FAM120B: variants seen among roughly 807,000 people sequenced by gnomAD.
The protein encoded by FAM120B is family with sequence similarity 120 member B.
FAM120B carries 83 observed loss-of-function variants against 96.3 expected under a neutral mutation model. The ratio of observed to expected loss-of-function variants is 0.86; its 90% CI spans 0.72 to 1.03. FAM120B has a LOEUF of 1.03. FAM120B is among the 50% of genes least tolerant of loss of function. The probability of loss-of-function intolerance (pLI) is 0.00; values close to 1 mark genes in which losing one functional copy is unlikely to be tolerated. For missense variants in FAM120B, 1,027 were observed against 1,121.2 expected (o/e 0.92, Z 1.20); for synonymous variants, 407 against 402.7 (o/e 1.01, Z -0.13).
intron 6 of FAM120B, among the ~76,000 whole-genome samples, chr6:170,364,930 C>A (rs148027671): frequency 6.6e-6 from 1 of 152,268 alleles, no homozygotes; most frequent in East Asian, 1.9e-4. Context: ...CGTACATGTT[C>A]ATATAGATGA....
intron 1 of FAM120B, among the ~76,000 whole-genome samples, chr6:170,316,393 C>A (rs1360399484): frequency 1.3e-5 from 2 of 152,136 alleles, no homozygotes; most frequent in Non-Finnish European, 2.9e-5. Context: ...ATAAAGCCTG[C>A]ATGACTCTTA....
At chr6:170,379,666 A>G (rs1010826160) in intron 6 of FAM120B, among the ~76,000 whole-genome samples, 2 of 152,168 alleles carry the variant, frequency 1.3e-5, no homozygotes, top group Admixed American at 6.5e-5. Flanking sequence ...TTTGATTTTT[A>G]TATTATTTTG....
chr6:170,297,324 G>C (rs1184140685), intron 1 of FAM120B, among the ~76,000 whole-genome samples: 1 of 152,208 alleles, frequency 6.6e-6, no homozygotes, highest in Admixed American at 6.5e-5. Context: ...CGCCGCCCCC[G>C]CCTCCCTTTC....
In FAM120B at chr6:170,318,180, A is replaced by G. The variant is rs1400531363; in HGVS notation, c.790A>G (p.Ile264Val). ...KENFDKKGNI[I>V]LAVSDHISKV... ...GAACTTTGACAAAAAAGGTAACATC[A>G]TATTAGCTGTGTCAGACCATATATC... Residue 264 changes from isoleucine to valine, a missense_variant, in exon 2 of 11, where the codon ATA (isoleucine) becomes GTA (valine). Physicochemically the swap from Ile to Val is conservative, Grantham distance 29. Around this residue, in one of 3 missense-constraint regions of FAM120B, gnomAD observed 880 missense variants for 980.9 expected, o/e 0.90. Coordinates refer to ENST00000476287, the MANE Select transcript of FAM120B (RefSeq NM_032448.3). 6.2e-7 allele frequency: 1 copy of G among 1,614,214 alleles called. No individual in the cohort carries two copies. The highest frequency in any genetic ancestry group is 8.5e-7 in the Non-Finnish European group (1 of 1,180,028).
rs188868465 is a variant in FAM120B at position 170,373,136 on chromosome 6, T to C, written c.2283+14818T>C. ...ATTTACTGTCAGGTTTTAGGAACTT[T>C]AAGAACTGGTTTTTCCAGTTTCCTG... On this transcript the variant is annotated intron_variant, in intron 6 of 10. Transcript: ENST00000476287. 2.6e-5 allele frequency among the ~76,000 whole-genome samples: 4 copies of C among 152,344 alleles called. No individual in the cohort carries two copies. In the East Asian group the frequency reaches 7.7e-4, roughly 29 times the overall value.
At chr6:170,388,255 T>C (rs1790302261) in intron 6 of FAM120B, 32 bp from the exon 7 acceptor site, 1 of 1,598,328 alleles carries the variant, frequency 6.3e-7, no homozygotes, top group Non-Finnish European at 8.6e-7. Flanking sequence ...ACTCCTGTCT[T>C]ACATTTTTGG....
intron 7 of FAM120B, 102 bp from the exon 8 acceptor site, chr6:170,390,911 A>G (rs571407315): frequency 4.2e-5 from 37 of 885,580 alleles, no homozygotes; most frequent in Admixed American, 3.4e-4. Flanking sequence ...CGCCTTGGGA[A>G]CAGTGTGGAA....
chr6:170,399,008 G>A (rs1421488512), intron 9 of FAM120B, among the ~76,000 whole-genome samples: 2 of 148,300 alleles, frequency 1.3e-5, no homozygotes, highest in South Asian at 2.2e-4. Context: ...TAACTCTTAG[G>A]AGTGAGTGGG....
At chr6:170,340,117 C>G (rs1583227562) in intron 4 of FAM120B, among the ~76,000 whole-genome samples, 2 of 152,304 alleles carry the variant, frequency 1.3e-5, no homozygotes, top group South Asian at 2.1e-4. Context: ...CCATCTCTTT[C>G]CGGTACACCA....
chr6:170,295,347 A>G lies in FAM120B; in HGVS notation c.-59A>G. 2 of 698,828 alleles carry G rather than the reference A, an allele frequency of 2.9e-6. No homozygotes were observed. Among genetic ancestry groups the G allele is most frequent in the Admixed American group, 4.0e-5 (2 of 49,760 alleles). The allele number at this position is 698,828 out of a possible 1,614,324, so 43.3% of individuals were successfully genotyped here. On this transcript the variant is annotated 5_prime_UTR_variant, in exon 1 of 11. Coordinates refer to the FAM120B transcript ENST00000537664. The surrounding 1 kb of genome is among the most constrained non-coding windows in gnomAD (Gnocchi z 7.8). Reference sequence around the variant, plus strand: ...CTCGGTTGCCGCGCGTGGACTTACAAGCCCACGAAGCCATCGTTCGTCACA... The same window carrying G: ...CTCGGTTGCCGCGCGTGGACTTACAGGCCCACGAAGCCATCGTTCGTCACA...
chr6:170,330,684 A>G, intron 4 of FAM120B, 134 bp downstream of exon 4: 1 of 679,664 alleles, frequency 1.5e-6, no homozygotes, highest in South Asian at 1.9e-5. Context: ...CCCTTGGCTC[A>G]TGATTAATGT....
chr6:170,400,886 C>T (rs776891869), intron 9 of FAM120B, among the ~76,000 whole-genome samples: 1 of 152,152 alleles, frequency 6.6e-6, no homozygotes, highest in African/African-American at 2.4e-5. Context: ...CAGAGCATGG[C>T]CCCCAGGTCA....
intron 7 of FAM120B, among the ~76,000 whole-genome samples, chr6:170,389,564 A>G (rs1281755034): frequency 6.6e-6 from 1 of 151,602 alleles, no homozygotes; most frequent in Admixed American, 6.6e-5. Flanking sequence ...TAATACACAT[A>G]CTTTTTTTTT....
rs941083308 is a variant in FAM120B, at chr6:170,320,627, G to T, written c.1734+1503G>T. 2.6e-5 allele frequency among the ~76,000 whole-genome samples: 4 copies of T among 152,172 alleles called. No individual in the cohort carries two copies. In the East Asian group the frequency reaches 7.7e-4, roughly 29 times the overall value. Reference sequence around the variant, plus strand: ...TTACAGGGAGAAGAAGATTAAGTGGGTTATATTTTAATTGAGTAGATGGCA... The same window carrying T: ...TTACAGGGAGAAGAAGATTAAGTGGTTTATATTTTAATTGAGTAGATGGCA... On this transcript the variant is annotated intron_variant, in intron 2 of 10. Coordinates refer to ENST00000476287, the MANE Select transcript of FAM120B (RefSeq NM_032448.3).
At chr6:170,345,968 C>T (rs1285276398) in intron 4 of FAM120B, among the ~76,000 whole-genome samples, 1 of 152,200 alleles carries the variant, frequency 6.6e-6, no homozygotes, top group Non-Finnish European at 1.5e-5. Flanking sequence ...GTCTCCCAGG[C>T]TGCAAACCTG....
chr6:170,323,307 G>T, intron 3 of FAM120B, 48 bp downstream of exon 3: 1 of 1,513,110 alleles, frequency 6.6e-7, no homozygotes, highest in Non-Finnish European at 9.0e-7. Context: ...TTGGAGTTGA[G>T]TTCTGAGAAA....
chr6:170,367,584 G>C (rs569999055), intron 6 of FAM120B, among the ~76,000 whole-genome samples: 3 of 152,182 alleles, frequency 2.0e-5, no homozygotes, highest in Non-Finnish European at 4.4e-5. Context: ...GTAAGTCCGC[G>C]GGGAGACGGC....
intron 7 of FAM120B, among the ~76,000 whole-genome samples, chr6:170,390,027 G>A (rs376817663): frequency 9.2e-5 from 14 of 152,288 alleles, no homozygotes; most frequent in African/African-American, 2.9e-4. Context: ...AAATACAATC[G>A]CTACATGACT....
intron 8 of FAM120B, 136 bp downstream of exon 8, chr6:170,391,257 G>C: frequency 1.5e-6 from 1 of 683,248 alleles, no homozygotes. Context: ...TGATAGGGCC[G>C]GGTGCGGTGG....
Sources: allele counts gnomAD v4.1 joint callset (sites outside exome capture counted in the v4.1 genomes callset), GRCh38; gene constraint gnomAD v4.1.1; regional missense constraint gnomAD v4.1.1; non-coding constraint Gnocchi (gnomAD v3.1); transcripts MANE v1.5; gene names NCBI Gene and HGNC (gene_info 2026-07-23, HGNC 2026-07-21).